CSRNP3: variants seen among roughly 807,000 people sequenced by gnomAD.
CSRNP3 encodes the protein cysteine and serine rich nuclear protein 3.
In CSRNP3, 12 loss-of-function variants were observed where a neutral mutation model predicts 48.0. That is an observed-to-expected ratio of 0.25 (90% CI 0.16 to 0.41). CSRNP3 has a LOEUF of 0.41. CSRNP3 is among the 10% of genes least tolerant of loss of function. CSRNP3 has a pLI of 1.00. For missense variants in CSRNP3, 580 were observed against 724.4 expected, an observed-to-expected ratio of 0.80 and a Z score of 2.29; for synonymous variants, 263 against 269.7, an observed-to-expected ratio of 0.98 and a Z score of 0.24.
At chr2:165,482,652 G>T (rs1170014133) in intron 1 of CSRNP3, among the ~76,000 whole-genome samples, 1 of 152,062 alleles carries the variant, frequency 6.6e-6, no homozygotes, top group Non-Finnish European at 1.5e-5. Flanking sequence ...AGCCCAAAGG[G>T]AGATATACCA....
intron 5 of CSRNP3, among the ~76,000 whole-genome samples, chr2:165,676,074 G>C (rs575384935): frequency 4.6e-5 from 7 of 152,202 alleles, no homozygotes; most frequent in Non-Finnish European, 1.0e-4. Flanking sequence ...CCTAACATTA[G>C]GAGTTTATGA....
intron 3 of CSRNP3, among the ~76,000 whole-genome samples, chr2:165,579,921 C>CTT (rs147087270): frequency 1.8e-3 from 130 of 70,590 alleles, no homozygotes; most frequent in East Asian, 3.4e-3. Context: ...CATGACTCTA[C>CTT]TTTTTTTTTT....
At chr2:165,613,426 T>C (rs1384448261) in intron 4 of CSRNP3, among the ~76,000 whole-genome samples, 1 of 152,148 alleles carries the variant, frequency 6.6e-6, no homozygotes, top group Non-Finnish European at 1.5e-5. Flanking sequence ...TCTATTTTTG[T>C]TTCTGTTGCC....
chr2:165,566,277 A>G (rs1685296888), intron 3 of CSRNP3, among the ~76,000 whole-genome samples: 1 of 151,950 alleles, frequency 6.6e-6, no homozygotes, highest in South Asian at 2.1e-4. Context: ...TCATGCCTCA[A>G]TATCTGTGTA....
chr2:165,595,504 G>A (rs1251323195), intron 4 of CSRNP3, among the ~76,000 whole-genome samples: 1 of 152,102 alleles, frequency 6.6e-6, no homozygotes, highest in African/African-American at 2.4e-5. Flanking sequence ...GGGAATAGAT[G>A]AGGGAAGACA....
chr2:165,526,893 A>G (rs907760864), intron 3 of CSRNP3, among the ~76,000 whole-genome samples: 6 of 152,186 alleles, frequency 3.9e-5, no homozygotes, highest in African/African-American at 1.4e-4. Context: ...AAAAGTCTGC[A>G]TGCTCTCTGA....
At chr2:165,487,594 C>A (rs1684138565) in intron 1 of CSRNP3, among the ~76,000 whole-genome samples, 1 of 147,098 alleles carries the variant, frequency 6.8e-6, no homozygotes, top group African/African-American at 2.6e-5. Context: ...AACAGCGGAT[C>A]TCTCGGCAGA....
At chr2:165,654,494 G>A (rs575777518) in intron 4 of CSRNP3, among the ~76,000 whole-genome samples, 19 of 152,240 alleles carry the variant, frequency 1.2e-4, no homozygotes, top group Admixed American at 3.3e-4. Flanking sequence ...TGAGAAAGCC[G>A]AATTGCTGTG....
chr2:165,492,724 TAAAA>T (rs11304265), intron 1 of CSRNP3, among the ~76,000 whole-genome samples: 8 of 110,176 alleles, frequency 7.3e-5, no homozygotes, highest in Admixed American at 1.9e-4. Flanking sequence ...ACTATTAGAG[TAAAA>T]AAAAAAAAAA....
At chr2:165,623,470 G>A (rs1218313064) in intron 4 of CSRNP3, among the ~76,000 whole-genome samples, 4 of 152,154 alleles carry the variant, frequency 2.6e-5, no homozygotes, top group Non-Finnish European at 4.4e-5. Flanking sequence ...TGGAAAAATT[G>A]TCTTGCACAA....
intron 4 of CSRNP3, among the ~76,000 whole-genome samples, chr2:165,642,447 T>C (rs1246927568): frequency 6.6e-6 from 1 of 152,222 alleles, no homozygotes; most frequent in Non-Finnish European, 1.5e-5. Context: ...TACTATATGA[T>C]AGCTATGATA....
Position 165,657,780 on chromosome 2 carries a change from G to A in CSRNP3, c.168G>A (p.Arg56=), listed in dbSNP as rs1396518655. 20 of 1,613,540 alleles carry A rather than the reference G, an allele frequency of 1.2e-5. No individual in the cohort carries two copies. Among genetic ancestry groups the A allele is most frequent in the African/African-American group, 8.0e-5 (6 of 74,878 alleles). ...TTTCAGCTTCCTCCATTCTCAAAAG[G>A]GAGAAACGACTGAGGACAAAGAATG... The part of the protein sequence containing the change: ...SHFTPSSILK[R]EKRLRTKNVH... Residue 56 remains arginine (R), a synonymous_variant, in exon 5 of 7, where the codon AGG becomes AGA. Coordinates refer to ENST00000651982, the MANE Select transcript of CSRNP3 (RefSeq NM_001172173.2).
chr2:165,591,787 T>C (rs1685721734), intron 3 of CSRNP3, among the ~76,000 whole-genome samples: 1 of 152,116 alleles, frequency 6.6e-6, no homozygotes, highest in Non-Finnish European at 1.5e-5. Flanking sequence ...GTTCGCAGGA[T>C]GTATGGAAAT....
rs936296762 is a variant in CSRNP3 at position 165,535,058 on chromosome 2, A to G, written c.-24+17097A>G. ...GCTTGGCTATTGATACTGTAAGAATAATGGTATGTAATATAGTCCAAATTT... is the reference window on the plus strand; with the variant it reads ...GCTTGGCTATTGATACTGTAAGAATGATGGTATGTAATATAGTCCAAATTT... On this transcript the variant is annotated intron_variant, in intron 3 of 6. Transcript: ENST00000651982. 1.3e-3 allele frequency among the ~76,000 whole-genome samples: 195 copies of G among 151,826 alleles called. 1 individual carries two copies. The highest frequency in any genetic ancestry group is 1.8e-3 in the Non-Finnish European group (121 of 67,822).
intron 4 of CSRNP3, among the ~76,000 whole-genome samples, chr2:165,636,367 G>A (rs2105330525): frequency 6.6e-6 from 1 of 152,330 alleles, no homozygotes; most frequent in South Asian, 2.1e-4. Context: ...GATTCTCTTT[G>A]AGTGAATAAC....
Position 165,595,118 on chromosome 2 carries a change from G to T in CSRNP3, c.53G>T (p.Cys18Phe). ...GAAGAAGTTGACGGCTCCTCACCCT[G>T]CTCCTCTGTGAGGGAATCAGATGAT... Reference protein sequence around the residue: ...KFEEVDGSSPCSSVRESDDEV... With the variant: ...KFEEVDGSSPFSSVRESDDEV... Residue 18 changes from cysteine (C) to phenylalanine (F), a missense_variant, in exon 4 of 7, where the codon TGC (cysteine) becomes TTC (phenylalanine). Cys to Phe is a radical substitution (Grantham distance 205). Coordinates refer to ENST00000651982, the MANE Select transcript of CSRNP3 (RefSeq NM_001172173.2). 1 of 1,614,076 alleles carries T rather than the reference G, an allele frequency of 6.2e-7. No homozygotes were observed. The highest frequency in any genetic ancestry group is 8.5e-7 in the Non-Finnish European group (1 of 1,179,988).
At chr2:165,473,132 C>T (rs1222836870) in intron 1 of CSRNP3, among the ~76,000 whole-genome samples, 1 of 152,056 alleles carries the variant, frequency 6.6e-6, no homozygotes, top group Non-Finnish European at 1.5e-5. Flanking sequence ...GAATGCATTT[C>T]GTAGGCTTAC....
intron 3 of CSRNP3, chr2:165,574,439 G>T: frequency 6.5e-7 from 1 of 1,532,168 alleles, no homozygotes. Flanking sequence ...CAGGTATGGT[G>T]ACATTTCATG....
In CSRNP3 at chr2:165,688,914, A is replaced by C. The variant is rs1019972725; in HGVS notation, c.*9161A>C. 1 of 152,118 alleles carries C rather than the reference A, an allele frequency of 6.6e-6. No individual in the cohort carries two copies. Among genetic ancestry groups the C allele is most frequent in the Non-Finnish European group, 1.5e-5 (1 of 68,016 alleles). The allele number at this position is 152,118 out of a possible 1,614,324, so 9.4% of individuals were successfully genotyped here. ...ATTGTTACTTTTACTCAATATCAAC[A>C]GTACTTCAATAGATATTTATTAGTT... On this transcript the variant is annotated 3_prime_UTR_variant, in exon 7 of 7. Coordinates refer to ENST00000651982, the MANE Select transcript of CSRNP3 (RefSeq NM_001172173.2).
Sources: allele counts gnomAD v4.1 joint callset (sites outside exome capture counted in the v4.1 genomes callset), GRCh38; gene constraint gnomAD v4.1.1; transcripts MANE v1.5; gene names NCBI Gene and HGNC (gene_info 2026-07-23, HGNC 2026-07-21).